The following DOCK7 variants were observed in gnomAD, a reference collection of about 807,000 sequenced individuals.
DOCK7 encodes dedicator of cytokinesis 7, also known as dedicator of cytokinesis protein 7.
DOCK7 carries 138 observed loss-of-function variants against 271.0 expected under a neutral mutation model. The observed-to-expected ratio is 0.51, with a 90% CI of 0.44 to 0.59. The LOEUF is 0.59. DOCK7 is among the 20% of genes least tolerant of loss of function. The pLI is 0.00. For missense variants in DOCK7, 2,066 were observed against 2,592.4 expected (o/e 0.80, Z 4.41); for synonymous variants, 823 against 876.1 (o/e 0.94, Z 1.07).
At chr1:62,563,821 C>A (rs1330397956) in intron 18 of DOCK7, among the ~76,000 whole-genome samples, 1 of 121,222 alleles carries the variant, frequency 8.2e-6, no homozygotes, top group African/African-American at 3.1e-5. Context: ...GCCAAAGGCA[C>A]ACATAGGCTC....
chr1:62,487,427 G>A lies in DOCK7; in HGVS notation c.5494-15C>T. On this transcript the variant is annotated splice_polypyrimidine_tract_variant and intron_variant, in intron 42 of 49. Transcript: ENST00000635253. ...CAGCCAGTACTCTGTATAATAAAAA[G>A]TAAAAAAGGGCAAGTCATAAAAAAA... 1 of 1,609,384 alleles carries A rather than the reference G, an allele frequency of 6.2e-7. No individual in the cohort carries two copies. Among genetic ancestry groups the A allele is most frequent in the Non-Finnish European group, 8.5e-7 (1 of 1,177,032 alleles).
At chr1:62,538,531 A>G (rs554353726) in intron 27 of DOCK7, among the ~76,000 whole-genome samples, 1 of 152,226 alleles carries the variant, frequency 6.6e-6, no homozygotes, top group East Asian at 1.9e-4. Context: ...TCAATGTTTG[A>G]CAAATATAGG....
intron 9 of DOCK7, 97 bp from the exon 10 acceptor site, chr1:62,633,675 G>A: frequency 6.3e-6 from 5 of 789,896 alleles, no homozygotes; most frequent in African/African-American, 1.7e-5. Flanking sequence ...TTAACAGAAT[G>A]ACAGAAAAAA....
Position 62,489,060 on chromosome 1 carries a change from G to A in DOCK7, c.5367C>T (p.Gly1789=). 6.4e-7 allele frequency: 1 copy of A among 1,560,430 alleles called. No homozygotes were observed. Among genetic ancestry groups the A allele is most frequent in the Non-Finnish European group, 8.7e-7 (1 of 1,154,120 alleles). ...AAACTTCATTAACTGCTTCATACATGCCAGCCTATAAGAAAAAATTTTGTT... is the reference window on the plus strand; with the variant it reads ...AAACTTCATTAACTGCTTCATACATACCAGCCTATAAGAAAAAATTTTGTT... ...EQAAASFSMA[G]MYEAVNEVYK... Residue 1789 remains glycine (G), a synonymous_variant, in exon 42 of 50, where the codon GGC becomes GGT. Coordinates refer to ENST00000635253, the MANE Select transcript of DOCK7 (RefSeq NM_001367561.1).
chr1:62,646,279 TA>T (rs1656652960), intron 7 of DOCK7, among the ~76,000 whole-genome samples: 1 of 151,568 alleles, frequency 6.6e-6, no homozygotes, highest in Admixed American at 6.6e-5. Flanking sequence ...TTACATGAAA[TA>T]ATCAGAATGG....
chr1:62,490,466 C>T (rs1690760), intron 41 of DOCK7, among the ~76,000 whole-genome samples: 149,454 of 152,168 alleles, frequency 0.98, 73,453 homozygotes, highest in Middle Eastern at 1. Flanking sequence ...CAAAAGCCAC[C>T]GAGTCCTCAT....
At chr1:62,650,361 T>C (rs1195926581) in intron 4 of DOCK7, among the ~76,000 whole-genome samples, 1 of 95,954 alleles carries the variant, frequency 1.0e-5, no homozygotes, top group Admixed American at 1.1e-4. Flanking sequence ...ACTGAATAAA[T>C]AAATAAATGA....
chr1:62,669,706 T>C (rs984011260), intron 1 of DOCK7, among the ~76,000 whole-genome samples: 5 of 152,216 alleles, frequency 3.3e-5, no homozygotes, highest in South Asian at 2.1e-4. Context: ...CTTCATCTTA[T>C]TGAGAGGTGA....
chr1:62,607,587 G>T (rs1481570494), intron 14 of DOCK7, among the ~76,000 whole-genome samples: 1 of 152,130 alleles, frequency 6.6e-6, no homozygotes, highest in African/African-American at 2.4e-5. Flanking sequence ...GCTGCATACT[G>T]CCTGGACCTG....
At position 62,559,068 on chromosome 1, in the gene DOCK7, T is replaced by C. The variant is rs768789729; in HGVS notation, c.2352A>G (p.Pro784=). 23 of 1,613,792 alleles carry C rather than the reference T, an allele frequency of 1.4e-5. 1 individual carries two copies. In the East Asian group the frequency reaches 5.1e-4, roughly 36 times the overall value. The change falls in exon 20 of 50, where the codon CCA becomes CCG. Residue 784 remains proline (P), a synonymous_variant. Transcript: ENST00000635253. ...GCAGAAGATGAAGAAATCGGACCAC[T>C]GGTTCCAGCTGGGATGAATTCAGTG... ...ISALNSSQLE[P]VVRFLHLLLD...
chr1:62,518,061 AT>A (rs947108574), intron 31 of DOCK7, among the ~76,000 whole-genome samples: 22 of 152,368 alleles, frequency 1.4e-4, no homozygotes, highest in African/African-American at 5.0e-4. Context: ...ATACAAAAAA[AT>A]CAAGTCATAG....
intron 14 of DOCK7, among the ~76,000 whole-genome samples, chr1:62,594,706 A>C (rs1434572643): frequency 6.6e-6 from 1 of 152,152 alleles, no homozygotes; most frequent in African/African-American, 2.4e-5. Context: ...CTCTTATTCA[A>C]TAAATATTGT....
rs573223687 is a variant in DOCK7, at chr1:62,457,441, G to A, written c.6380+97C>T. ...AAACACTTCTGGTCCTAAGCTTTTC[G>A]GATGACAGATGCTCGAGCTGTAAAA... On this transcript the variant is annotated intron_variant, in intron 49 of 49. Coordinates refer to ENST00000635253, the MANE Select transcript of DOCK7 (RefSeq NM_001367561.1). The A allele has an allele frequency of 2.2e-4, 275 of 1,253,450 alleles. No homozygotes were observed. In the South Asian group the frequency reaches 3.3e-3, roughly 15 times the overall value. The allele number at this position is 1,253,450 out of a possible 1,614,324, so 77.6% of individuals were successfully genotyped here. A position where few individuals can be genotyped will look rare whatever the true frequency, so the allele number is the denominator to read the frequency against.
chr1:62,597,414 C>T (rs771741423), intron 14 of DOCK7: 20 of 725,134 alleles, frequency 2.8e-5, no homozygotes, highest in Non-Finnish European at 3.6e-5. Flanking sequence ...AGGTTACATT[C>T]GTGCAAGTTA....
chr1:62,478,993 G>C (rs937180466), intron 43 of DOCK7: 2 of 151,386 alleles, frequency 1.3e-5, no homozygotes, highest in African/African-American at 4.9e-5. Context: ...TTTTAAAAAA[G>C]TGTCACCTCA....
intron 48 of DOCK7, among the ~76,000 whole-genome samples, chr1:62,464,894 A>C (rs930768067): frequency 1.3e-5 from 2 of 152,216 alleles, no homozygotes; most frequent in Non-Finnish European, 2.9e-5. Flanking sequence ...TTGAAAACAA[A>C]TTGTGTAGTT....
intron 41 of DOCK7, among the ~76,000 whole-genome samples, chr1:62,490,807 T>A (rs956382530): frequency 3.3e-5 from 5 of 152,060 alleles, no homozygotes; most frequent in African/African-American, 9.7e-5. Context: ...AACAAAAAAA[T>A]TTTTCCCCCT....
chr1:62,551,465 T>C (rs967292339), intron 22 of DOCK7, among the ~76,000 whole-genome samples: 61 of 151,904 alleles, frequency 4.0e-4, no homozygotes, highest in African/African-American at 1.4e-3. Flanking sequence ...AAGCCACAGG[T>C]TGAACAAGTG....
chr1:62,669,416 C>G (rs1217052618), intron 1 of DOCK7, among the ~76,000 whole-genome samples: 1 of 152,190 alleles, frequency 6.6e-6, no homozygotes, highest in Non-Finnish European at 1.5e-5. Context: ...CTTTCCGGGT[C>G]TGACACACTA....
Sources: allele counts gnomAD v4.1 joint callset (sites outside exome capture counted in the v4.1 genomes callset), GRCh38; gene constraint gnomAD v4.1.1; transcripts MANE v1.5; gene names NCBI Gene and HGNC (gene_info 2026-07-23, HGNC 2026-07-21).